GRAMD1C: variants seen among roughly 807,000 people sequenced by gnomAD.
GRAMD1C encodes protein Aster-C.
A neutral mutation model predicts 97.8 loss-of-function variants in GRAMD1C; 89 were observed. The observed-to-expected ratio is 0.91, with a 90% CI of 0.77 to 1.09. The LOEUF is 1.09. Ranked by LOEUF, GRAMD1C falls within the 50% of genes least tolerant of loss-of-function variation. GRAMD1C has a pLI of 0.00. For missense variants in GRAMD1C, 740 were observed against 766.4 expected (o/e 0.97, Z 0.41); for synonymous variants, 256 against 267.0 (o/e 0.96, Z 0.40).
At chr3:113,919,236 A>C in intron 10 of GRAMD1C, 1 of 382,568 alleles carries the variant, frequency 2.6e-6, no homozygotes. Context: ...GTTTTCTTGA[A>C]GGCTTTTTTG....
chr3:113,929,013 G>A (rs1310168120), intron 10 of GRAMD1C, among the ~76,000 whole-genome samples: 3 of 152,132 alleles, frequency 2.0e-5, no homozygotes, highest in East Asian at 3.8e-4. Flanking sequence ...GCATCATATA[G>A]TAATTCAATC....
chr3:113,938,173 C>T, intron 15 of GRAMD1C, 30 bp downstream of exon 15: 2 of 1,089,558 alleles, frequency 1.8e-6, no homozygotes, highest in South Asian at 1.4e-5. Context: ...GCTTATTTTG[C>T]TTGTTTCAGC....
In GRAMD1C at chr3:113,862,195, A is replaced by G. The variant is rs370526059; in HGVS notation, c.175-7312A>G. Among the ~76,000 whole-genome samples the G allele has an allele frequency of 4.6e-5, 7 of 152,218 alleles. 1 individual carries two copies. In the East Asian group the frequency reaches 7.7e-4, roughly 17 times the overall value. On this transcript the variant is annotated intron_variant, in intron 2 of 17. Transcript: ENST00000358160. ...AGGAGACAGGGTTCAAGAGCAGACA[A>G]CCAGTCTGACCAAAATTTATTAGGT...
chr3:113,918,853 C>T (rs1318178802), intron 10 of GRAMD1C, among the ~76,000 whole-genome samples: 2 of 151,990 alleles, frequency 1.3e-5, no homozygotes, highest in African/African-American at 2.4e-5. Flanking sequence ...CCACAATGCC[C>T]GGCCAATTTT....
intron 6 of GRAMD1C, chr3:113,885,161 G>C (rs1265381656): frequency 1.6e-6 from 1 of 608,110 alleles, no homozygotes; most frequent in East Asian, 2.8e-5. Flanking sequence ...TGAGCCGCCC[G>C]CTCCGTGCCC....
intron 10 of GRAMD1C, among the ~76,000 whole-genome samples, chr3:113,923,637 T>G (rs960165813): frequency 1.3e-5 from 2 of 152,172 alleles, no homozygotes; most frequent in Admixed American, 6.6e-5. Flanking sequence ...TGTGGTGAAT[T>G]AGCTTTTTGA....
intron 6 of GRAMD1C, among the ~76,000 whole-genome samples, chr3:113,891,680 C>T (rs948843629): frequency 6.6e-6 from 1 of 150,648 alleles, no homozygotes; most frequent in Non-Finnish European, 1.5e-5. Flanking sequence ...CAGTTCAAGA[C>T]CAGCCTGGGC....
intron 2 of GRAMD1C, chr3:113,850,227 C>T: frequency 1.8e-6 from 1 of 551,936 alleles, no homozygotes; most frequent in Non-Finnish European, 3.5e-6. Flanking sequence ...AATAATAATA[C>T]TCTCCAGTTT....
chr3:113,878,283 CT>C (rs1935126121), intron 5 of GRAMD1C, among the ~76,000 whole-genome samples: 1 of 152,240 alleles, frequency 6.6e-6, no homozygotes, highest in Non-Finnish European at 1.5e-5. Flanking sequence ...CTCCAGTATC[CT>C]TTTGAGTATT....
chr3:113,910,154 C>T (rs1341528284), intron 9 of GRAMD1C, among the ~76,000 whole-genome samples: 2 of 152,092 alleles, frequency 1.3e-5, no homozygotes, highest in Non-Finnish European at 2.9e-5. Context: ...AAGGCCGAGG[C>T]GGGTGGATCA....
At chr3:113,919,051 A>T (rs958337281) in intron 10 of GRAMD1C, among the ~76,000 whole-genome samples, 3 of 152,128 alleles carry the variant, frequency 2.0e-5, no homozygotes, top group African/African-American at 7.2e-5. Context: ...GAATTTAATG[A>T]TTTTTTTAAA....
At chr3:113,909,191 G>A in intron 9 of GRAMD1C, 71 bp downstream of exon 9, 1 of 697,394 alleles carries the variant, frequency 1.4e-6, no homozygotes, top group Non-Finnish European at 2.2e-6. Context: ...TAATAGGGGT[G>A]TGCAGATTGA....
intron 5 of GRAMD1C, 92 bp from the exon 6 acceptor site, chr3:113,882,660 T>A: frequency 1.3e-6 from 1 of 743,762 alleles, no homozygotes; most frequent in Non-Finnish European, 2.4e-6. Flanking sequence ...TAGTTTGTTT[T>A]AACCATAAGC....
chr3:113,902,906 T>TGC (rs1936228982), intron 7 of GRAMD1C, among the ~76,000 whole-genome samples: 1 of 152,042 alleles, frequency 6.6e-6, no homozygotes, highest in Non-Finnish European at 1.5e-5. Flanking sequence ...CCTCCCAAAG[T>TGC]GCTGGGATTA....
At chr3:113,886,329 A>G (rs897547974) in intron 6 of GRAMD1C, among the ~76,000 whole-genome samples, 1 of 152,214 alleles carries the variant, frequency 6.6e-6, no homozygotes, top group African/African-American at 2.4e-5. Flanking sequence ...AAGAGGCAGG[A>G]CTGGCCAGAG....
At chr3:113,863,255 G>C (rs370786275) in intron 2 of GRAMD1C, among the ~76,000 whole-genome samples, 7 of 152,242 alleles carry the variant, frequency 4.6e-5, no homozygotes, top group African/African-American at 1.7e-4. Context: ...TCATCCATAA[G>C]CTAGAATGAA....
At chr3:113,938,051 T>A (rs1452753080) in intron 14 of GRAMD1C, 35 bp from the exon 15 acceptor site, 3 of 1,109,676 alleles carry the variant, frequency 2.7e-6, no homozygotes, top group Non-Finnish European at 3.9e-6. Context: ...ATCACAATTC[T>A]CATTCTAATG....
chr3:113,901,191 T>C (rs376835004), intron 7 of GRAMD1C, 45 bp downstream of exon 7: 1 of 971,150 alleles, frequency 1.0e-6, no homozygotes, highest in African/African-American at 1.6e-5. Flanking sequence ...CAATTATTAA[T>C]CAAAGCAGAA....
rs568882798 is a variant in GRAMD1C at position 113,876,032 on chromosome 3, C to A, written c.364-133C>A. On this transcript the variant is annotated intron_variant, in intron 4 of 17. Transcript: ENST00000358160. The stretch of plus-strand genomic sequence containing the variant: ...GAATACAAGCGTGTACTTATTAACT[C>A]CTTCAAGTCGAAAAACCTGAAGAAT... 7.0e-5 allele frequency: 42 copies of A among 598,236 alleles called. No homozygotes were observed. In the South Asian group the frequency reaches 8.0e-4, roughly 11 times the overall value. 37.1% of individuals were successfully genotyped at this position (598,236 alleles called of 1,614,324 possible).
Sources: gnomAD v4.1 joint callset for allele counts (sites outside exome capture counted in the v4.1 genomes callset) on GRCh38, gnomAD v4.1.1 for gene constraint, MANE v1.5 for transcripts, NCBI Gene and HGNC (gene_info 2026-07-23, HGNC 2026-07-21) for gene names.